The following SYNDIG1L variants were observed in gnomAD, a reference collection of about 807,000 sequenced individuals.
The protein encoded by SYNDIG1L is synapse differentiation inducing 1 like, also known as synapse differentiation-inducing gene protein 1-like.
A neutral mutation model predicts 20.1 loss-of-function variants in SYNDIG1L; 13 were observed. The ratio of observed to expected loss-of-function variants is 0.65; its 90% CI spans 0.42 to 1.03. The LOEUF (loss-of-function observed/expected upper bound fraction) is 1.03. SYNDIG1L is among the 50% of genes least tolerant of loss of function. The pLI, the probability that SYNDIG1L is intolerant of heterozygous loss-of-function variation, is 0.00. For missense variants in SYNDIG1L, 294 were observed against 305.1 expected (o/e 0.96, Z 0.27); for synonymous variants, 128 against 129.3 (o/e 0.99, Z 0.07).
the SYNDIG1L span, chr14:74,474,271 A>T: frequency 6.6e-6 from 1 of 152,012 alleles, no homozygotes; most frequent in East Asian, 1.9e-4. Context: ...CCCCTGCCTT[A>T]CTCCCTACCC....
the SYNDIG1L span, among the ~76,000 whole-genome samples, chr14:74,456,399 G>A: frequency 6.6e-6 from 1 of 152,024 alleles, no homozygotes; most frequent in African/African-American, 2.4e-5. Context: ...GCCTGGTGGT[G>A]CATGCCTGTA....
the SYNDIG1L span, among the ~76,000 whole-genome samples, chr14:74,449,041 G>A: frequency 6.6e-6 from 1 of 151,984 alleles, no homozygotes; most frequent in East Asian, 1.9e-4. Context: ...AGTCTAGACT[G>A]GGCAACAAAG....
chr14:74,460,363 G>A, the SYNDIG1L span, among the ~76,000 whole-genome samples: 1 of 151,968 alleles, frequency 6.6e-6, no homozygotes, highest in Non-Finnish European at 1.5e-5. Flanking sequence ...CACATCCCCA[G>A]GGACCCCACC....
chr14:74,477,779 G>GT, the SYNDIG1L span, among the ~76,000 whole-genome samples: 1 of 152,200 alleles, frequency 6.6e-6, no homozygotes, highest in Non-Finnish European at 1.5e-5. Flanking sequence ...TGGAATTCAT[G>GT]TAAGAGCTGA....
chr14:74,459,303 C>T, the SYNDIG1L span, among the ~76,000 whole-genome samples: 1 of 152,182 alleles, frequency 6.6e-6, no homozygotes, highest in East Asian at 1.9e-4. Flanking sequence ...ATCGCTTGAG[C>T]CCAGGACTTT....
In SYNDIG1L at chr14:74,407,160, C is replaced by A. The variant is rs1026643808; in HGVS notation, c.*375G>T. 1.1e-5 allele frequency: 3 copies of A among 278,366 alleles called. No homozygotes were observed. Among genetic ancestry groups the A allele is most frequent in the Non-Finnish European group, 2.1e-5 (3 of 145,986 alleles). The allele number at this position is 278,366 out of a possible 1,614,324, so 17.2% of individuals were successfully genotyped here. A position where few individuals can be genotyped will look rare whatever the true frequency, so the allele number is the denominator to read the frequency against. On this transcript the variant is annotated 3_prime_UTR_variant, in exon 4 of 4. Transcript: ENST00000331628. ...GCACCCCCTTTTCTCCCTGTAACCT[C>A]CTGCTCTTTCTCTGTGGGGAGGTTG...
At chr14:74,415,870 A>G (rs1182533687) in intron 1 of SYNDIG1L, among the ~76,000 whole-genome samples, 1 of 152,252 alleles carries the variant, frequency 6.6e-6, no homozygotes. Context: ...AATATAGAAT[A>G]GGTGAGACAA....
chr14:74,460,672 G>A, the SYNDIG1L span, among the ~76,000 whole-genome samples: 2 of 151,948 alleles, frequency 1.3e-5, no homozygotes, highest in East Asian at 3.9e-4. Context: ...CTCTTGCTTC[G>A]GCTCCCAGGC....
At chr14:74,465,637 A>C in the SYNDIG1L span, among the ~76,000 whole-genome samples, 43 of 152,298 alleles carry the variant, frequency 2.8e-4, no homozygotes, top group East Asian at 4.6e-3. Context: ...TCTTCCATAA[A>C]GCCCTGGAGG....
the SYNDIG1L span, among the ~76,000 whole-genome samples, chr14:74,459,431 G>A: frequency 6.6e-6 from 1 of 151,750 alleles, no homozygotes; most frequent in Non-Finnish European, 1.5e-5. Context: ...TTGAGAGTGG[G>A]AGGCGGAGGT....
chr14:74,432,180 T>TGTGTGTGTGTGTGTGA, the SYNDIG1L span, among the ~76,000 whole-genome samples: 48 of 124,148 alleles, frequency 3.9e-4, no homozygotes, highest in South Asian at 1.1e-3. Context: ...TGTGTGTGTG[T>TGTGTGTGTGTGTGTGA]GAGAGAGAGA....
the SYNDIG1L span, among the ~76,000 whole-genome samples, chr14:74,466,594 C>T: frequency 6.6e-6 from 1 of 152,170 alleles, no homozygotes; most frequent in East Asian, 1.9e-4. Flanking sequence ...CATCTCCTCC[C>T]CAGCCTCCCC....
chr14:74,450,958 T>C, the SYNDIG1L span, among the ~76,000 whole-genome samples: 2 of 152,178 alleles, frequency 1.3e-5, no homozygotes, highest in African/African-American at 4.8e-5. Flanking sequence ...AGCTATACCT[T>C]GTTCATGGGT....
chr14:74,442,026 T>C, the SYNDIG1L span, among the ~76,000 whole-genome samples: 1 of 152,192 alleles, frequency 6.6e-6, no homozygotes, highest in Non-Finnish European at 1.5e-5. Flanking sequence ...CAGCCACTTC[T>C]TAGCTGGGTA....
chr14:74,471,330 G>A, the SYNDIG1L span, among the ~76,000 whole-genome samples: 1 of 152,114 alleles, frequency 6.6e-6, no homozygotes, highest in Admixed American at 6.5e-5. Context: ...AGGCATGGTG[G>A]CTTATACCTG....
At chr14:74,426,983 T>G (rs2086271835), upstream of SYNDIG1L, among the ~76,000 whole-genome samples, 1 of 152,006 alleles carries the variant, frequency 6.6e-6, no homozygotes, top group Non-Finnish European at 1.5e-5. Flanking sequence ...CGTGACACAT[T>G]GGCACTCAAT....
At chr14:74,430,489 G>C (rs2086295024), upstream of SYNDIG1L, among the ~76,000 whole-genome samples, 1 of 151,806 alleles carries the variant, frequency 6.6e-6, no homozygotes, top group Non-Finnish European at 1.5e-5. Context: ...AGGCTAGAGT[G>C]CAATGGCATG....
the SYNDIG1L span, among the ~76,000 whole-genome samples, chr14:74,443,633 T>A: frequency 3.3e-5 from 5 of 152,288 alleles, no homozygotes; most frequent in African/African-American, 1.2e-4. Flanking sequence ...GAAAATGATA[T>A]GAATTCTTTG....
At chr14:74,445,349 C>T in the SYNDIG1L span, among the ~76,000 whole-genome samples, 7 of 152,034 alleles carry the variant, frequency 4.6e-5, no homozygotes, top group Non-Finnish European at 5.9e-5. Flanking sequence ...TCTGGTATTC[C>T]TTTATAGCAA....
Sources: allele counts gnomAD v4.1 joint callset (sites outside exome capture counted in the v4.1 genomes callset), GRCh38; gene constraint gnomAD v4.1.1; transcripts MANE v1.5; gene names NCBI Gene and HGNC (gene_info 2026-07-23, HGNC 2026-07-21).